The following CUBN variants were observed in gnomAD, a reference collection of about 807,000 sequenced individuals.
CUBN encodes the protein cubilin.
Under a neutral mutation model 405.3 loss-of-function variants are expected in CUBN, and 282 were observed. That is an observed-to-expected ratio of 0.70 (90% CI 0.63 to 0.77). The LOEUF is 0.77. CUBN is among the 30% of genes least tolerant of loss of function. The pLI, the probability that CUBN is intolerant of heterozygous loss-of-function variation, is 0.00. For synonymous variants in CUBN, 1,684 were observed against 1,617.0 expected, an observed-to-expected ratio of 1.04 and a Z score of -0.99; for missense variants, 4,514 against 4,475.2, an observed-to-expected ratio of 1.01 and a Z score of -0.25.
rs777539576 is a variant in CUBN, at chr10:16,835,177, T to A, written c.10199A>T (p.His3400Leu). 6.2e-7 allele frequency: 1 copy of A among 1,613,984 alleles called. No homozygotes were observed. The highest frequency in any genetic ancestry group is 8.5e-7 in the Non-Finnish European group (1 of 1,179,790). ...YQIADCNRDY[H>L]KAFGNLRSPG... ...GCTTCTCAGGTTGCCAAATGCCTTG[T>A]GATAGTCTCTGTTGCAATCTTAGAG... Residue 3400 changes from histidine (H) to leucine (L), a missense_variant, in exon 64 of 67, where the codon CAC becomes CTC. His to Leu is a moderately conservative substitution (Grantham distance 99). Around this residue, in one of 5 missense-constraint regions of CUBN, gnomAD observed 1,186 missense variants for 1,186.9 expected, o/e 1.00. Transcript: ENST00000377833.
At chr10:16,844,687 C>T (rs1389836094) in intron 60 of CUBN, among the ~76,000 whole-genome samples, 3 of 152,170 alleles carry the variant, frequency 2.0e-5, no homozygotes, top group Non-Finnish European at 4.4e-5. Context: ...CTTGTGGCCT[C>T]GGGATAACTG....
At chr10:17,100,432 C>T (rs1836470521) in intron 13 of CUBN, among the ~76,000 whole-genome samples, 193 bp from the exon 14 acceptor site, 1 of 152,096 alleles carries the variant, frequency 6.6e-6, no homozygotes, top group Non-Finnish European at 1.5e-5. Context: ...AAACAAACTT[C>T]AACTAATATC....
At chr10:17,049,073 T>A (rs561107708) in intron 22 of CUBN, among the ~76,000 whole-genome samples, 1 of 152,266 alleles carries the variant, frequency 6.6e-6, no homozygotes, top group East Asian at 1.9e-4. Context: ...TGCTTCTCTG[T>A]AGTCTGCCAA....
chr10:16,869,661 C>T lies in CUBN; in HGVS notation c.9429G>A (p.Trp3143Ter). ...CCAATGTCTGCCGGAAAGACATCTT[C>T]CAGCCTTTTGCTGTCTGAAATGAAT... is the stretch of plus-strand genomic sequence containing the variant. ...KTDSFQTAKGWKMSFRQTLGP... is the reference protein window; with the variant it reads ...KTDSFQTAKG The change falls in exon 59 of 67, where the codon TGG (tryptophan) becomes TGA (stop). Residue 3143 changes from tryptophan to a stop codon, truncating the protein, a stop_gained. Coordinates refer to ENST00000377833, the MANE Select transcript of CUBN (RefSeq NM_001081.4). LOFTEE classifies it high-confidence loss of function. 6.2e-7 allele frequency: 1 copy of T among 1,613,742 alleles called. No individual in the cohort carries two copies. The highest frequency in any genetic ancestry group is 8.5e-7 in the Non-Finnish European group (1 of 1,179,798).
intron 26 of CUBN, among the ~76,000 whole-genome samples, chr10:17,042,686 C>T (rs889366109): frequency 6.6e-6 from 1 of 152,082 alleles, no homozygotes; most frequent in Non-Finnish European, 1.5e-5. Context: ...TGATACATTT[C>T]TGAAGAACAA....
At chr10:16,972,443 ATT>A (rs55982899) in intron 31 of CUBN, among the ~76,000 whole-genome samples, 2 of 146,284 alleles carry the variant, frequency 1.4e-5, no homozygotes, top group African/African-American at 2.5e-5. Context: ...ATCATTCACA[ATT>A]TTTTTTTTTT....
intron 41 of CUBN, among the ~76,000 whole-genome samples, chr10:16,926,809 T>TCTATCTA (rs886615496): frequency 2.4e-5 from 1 of 41,598 alleles, no homozygotes; most frequent in African/African-American, 7.1e-5. Context: ...AAATTTTTTT[T>TCTATCTA]TCTATCTATC....
intron 31 of CUBN, among the ~76,000 whole-genome samples, chr10:16,977,140 T>C (rs1833123133): frequency 6.6e-6 from 1 of 152,166 alleles, no homozygotes; most frequent in Non-Finnish European, 1.5e-5. Flanking sequence ...TTTGATAGTG[T>C]GTTGGTGATA....
At chr10:17,125,097 G>A (rs1837143947) in intron 4 of CUBN, among the ~76,000 whole-genome samples, 1 of 152,016 alleles carries the variant, frequency 6.6e-6, no homozygotes, top group Admixed American at 6.6e-5. Context: ...CTCCTAAAGT[G>A]CTGGGATTAC....
At chr10:16,936,890 T>C (rs1484187429) in intron 39 of CUBN, among the ~76,000 whole-genome samples, 1 of 152,076 alleles carries the variant, frequency 6.6e-6, no homozygotes. Flanking sequence ...CTAATTTTTG[T>C]ATTTTTAGTA....
At chr10:16,955,067 A>C (rs1843014164) in intron 31 of CUBN, among the ~76,000 whole-genome samples, 1 of 152,130 alleles carries the variant, frequency 6.6e-6, no homozygotes, top group Admixed American at 6.6e-5. Context: ...GCTGATTTAG[A>C]AAACTACCTC....
intron 27 of CUBN, among the ~76,000 whole-genome samples, chr10:17,024,364 C>T (rs559912011): frequency 6.6e-6 from 1 of 152,048 alleles, no homozygotes; most frequent in African/African-American, 2.4e-5. Flanking sequence ...GCAGGATCTC[C>T]AAGAACAAAA....
chr10:16,835,274 A>T (rs1839135356), intron 63 of CUBN, 79 bp from the exon 64 acceptor site: 14 of 1,221,102 alleles, frequency 1.1e-5, no homozygotes, highest in Middle Eastern at 3.8e-4. Flanking sequence ...ATCATTCAAA[A>T]AGATCATTGC....
chr10:16,828,283 C>A (rs1367866657), intron 66 of CUBN, among the ~76,000 whole-genome samples: 2 of 152,132 alleles, frequency 1.3e-5, no homozygotes, highest in African/African-American at 4.8e-5. Context: ...TGACGCAGGG[C>A]TGATTTTTGT....
chr10:16,954,634 C>G, intron 31 of CUBN, 86 bp from the exon 32 acceptor site: 1 of 1,395,714 alleles, frequency 7.2e-7, no homozygotes, highest in East Asian at 2.4e-5. Flanking sequence ...CGCCGATATA[C>G]TAGTGGATAA....
At chr10:16,939,253 G>T in intron 37 of CUBN, 106 bp from the exon 38 acceptor site, 1 of 887,796 alleles carries the variant, frequency 1.1e-6, no homozygotes, top group South Asian at 1.4e-5. Context: ...ACTTTTAATT[G>T]ACTGTGATTT....
chr10:17,053,506 G>A (rs1835319688), intron 22 of CUBN, among the ~76,000 whole-genome samples: 1 of 151,642 alleles, frequency 6.6e-6, no homozygotes, highest in Non-Finnish European at 1.5e-5. Flanking sequence ...ATGACAAAGG[G>A]GACAATTTAT....
At position 17,071,585 on chromosome 10, in the gene CUBN, A is replaced by G; in HGVS notation, c.2466T>C (p.Thr822=). The change falls in exon 19 of 67, where the codon ACT becomes ACC. Residue 822 remains threonine, a synonymous_variant. Coordinates refer to ENST00000377833, the MANE Select transcript of CUBN (RefSeq NM_001081.4). ...VYQVACGDEL[T]GEGVIRSPFF... is the part of the protein sequence containing the mutation. ...AAGGCGAGCGAATGACCCCTTCTCC[A>G]GTTAATTCATCCCCGCAAGCTGTAA... The G allele has an allele frequency of 6.2e-7, 1 of 1,613,752 alleles. No homozygotes were observed. The highest frequency in any genetic ancestry group is 2.2e-5 in the East Asian group (1 of 44,868).
chr10:16,832,991 G>A (rs376107385), intron 64 of CUBN, among the ~76,000 whole-genome samples: 1 of 152,256 alleles, frequency 6.6e-6, no homozygotes, highest in East Asian at 1.9e-4. Flanking sequence ...TATGGGACAG[G>A]AAGTTTCAGA....
Sources: gnomAD v4.1 joint callset for allele counts (sites outside exome capture counted in the v4.1 genomes callset) on GRCh38, gnomAD v4.1.1 for gene constraint, gnomAD v4.1.1 regional missense constraint, MANE v1.5 for transcripts, NCBI Gene and HGNC (gene_info 2026-07-23, HGNC 2026-07-21) for gene names.